Variants in PNLIP observed in about 807,000 individuals in gnomAD.
The protein encoded by PNLIP is pancreatic triacylglycerol lipase.
PNLIP carries 49 observed loss-of-function variants against 57.1 expected under a neutral mutation model. The observed-to-expected ratio is 0.86, with a 90% confidence interval of 0.68 to 1.09. The LOEUF (loss-of-function observed/expected upper bound fraction) is 1.09. PNLIP is among the 50% of genes least tolerant of loss of function. The pLI is 0.00. For missense variants in PNLIP, 503 were observed against 570.2 expected (o/e 0.88, Z 1.20); for synonymous variants, 209 against 200.4 (o/e 1.04, Z -0.36).
chr10:116,567,547 A>G (rs1478212049), intron 12 of PNLIP, among the ~76,000 whole-genome samples, 188 bp from the exon 13 acceptor site: 1 of 152,168 alleles, frequency 6.6e-6, no homozygotes, highest in Non-Finnish European at 1.5e-5. Context: ...ACAACCAGAA[A>G]ATAACACTGG....
chr10:116,558,975 T>TA (rs1847285526), intron 9 of PNLIP, among the ~76,000 whole-genome samples, 179 bp from the exon 10 acceptor site: 1 of 152,216 alleles, frequency 6.6e-6, no homozygotes, highest in Admixed American at 6.5e-5. Flanking sequence ...GTTGGTGACT[T>TA]ACTGTTGTGA....
At chr10:116,561,771 C>T in intron 12 of PNLIP, 135 bp downstream of exon 12, 1 of 665,656 alleles carries the variant, frequency 1.5e-6, no homozygotes, top group Non-Finnish European at 2.5e-6. Flanking sequence ...TTCCTAATGC[C>T]TTCTGTTTCT....
At chr10:116,566,826 G>C (rs2133211211) in intron 12 of PNLIP, among the ~76,000 whole-genome samples, 1 of 152,220 alleles carries the variant, frequency 6.6e-6, no homozygotes, top group Admixed American at 6.5e-5. Flanking sequence ...GAGGCTGCCA[G>C]TCATTGAGGA....
Position 116,549,164 on chromosome 10 carries a change from C to T in PNLIP, c.324+682C>T, listed in dbSNP as rs1847161533. ...CTGCTGTCGCACAAAGGGAGTAGTCCTTTCTTCAGAGGTGTCAAGAAGAAA... is the reference window on the plus strand; with the variant it reads ...CTGCTGTCGCACAAAGGGAGTAGTCTTTTCTTCAGAGGTGTCAAGAAGAAA... On this transcript the variant is annotated intron_variant, in intron 4 of 12. Coordinates refer to ENST00000369221, the MANE Select transcript of PNLIP (RefSeq NM_000936.4). Among the ~76,000 whole-genome samples, 3 of 152,120 alleles carry T rather than the reference C, an allele frequency of 2.0e-5. No individual in the cohort carries two copies. In the South Asian group the frequency reaches 6.2e-4, roughly 32 times the overall value.
rs749897137 is a variant in PNLIP, at chr10:116,560,538, T to C, written c.1169+14T>C. On this transcript the variant is annotated intron_variant, in intron 11 of 12. Transcript: ENST00000369221. ...TGAAATTTTCAAGTGAGTAAAATAA[T>C]ATTGCTCTATGCTTTTTTTTTTTTT... The C allele has an allele frequency of 1.8e-6, 2 of 1,113,596 alleles. No individual in the cohort carries two copies. Among genetic ancestry groups the C allele is most frequent in the Admixed American group, 2.1e-5 (1 of 47,660 alleles). 69.0% of individuals were successfully genotyped at this position (1,113,596 alleles called of 1,614,324 possible). A position where few individuals can be genotyped will look rare whatever the true frequency, so the allele number is the denominator to read the frequency against.
intron 9 of PNLIP, among the ~76,000 whole-genome samples, chr10:116,556,323 T>C (rs2915775): frequency 0.78 from 117,985 of 152,158 alleles, 46,338 homozygotes; most frequent in Non-Finnish European, 0.84. Context: ...TTACTTTCAT[T>C]TGTGTTACTT....
At chr10:116,550,103 G>A (rs578146153) in intron 4 of PNLIP, among the ~76,000 whole-genome samples, 1 of 117,996 alleles carries the variant, frequency 8.5e-6, no homozygotes, top group African/African-American at 3.3e-5. Flanking sequence ...CTGTCCCCCC[G>A]GCTAGAGTGC....
intron 12 of PNLIP, among the ~76,000 whole-genome samples, chr10:116,566,741 A>G (rs1037331751): frequency 4.6e-5 from 7 of 152,202 alleles, no homozygotes; most frequent in Middle Eastern, 3.2e-3. Flanking sequence ...ACCTTTAATC[A>G]TGTATAAATA....
chr10:116,549,415 G>T (rs1400994474), intron 4 of PNLIP, among the ~76,000 whole-genome samples: 1 of 152,008 alleles, frequency 6.6e-6, no homozygotes, highest in Non-Finnish European at 1.5e-5. Flanking sequence ...GGAGGCAGAG[G>T]TTGCAGTGAG....
Position 116,561,509 on chromosome 10 carries a change from T to A in PNLIP, c.1207T>A (p.Phe403Ile). 1 of 1,614,006 alleles carries A rather than the reference T, an allele frequency of 6.2e-7. No homozygotes were observed. The highest frequency in any genetic ancestry group is 1.1e-5 in the South Asian group (1 of 91,036). The change falls in exon 12 of 13, where the codon TTT becomes ATT. Residue 403 changes from phenylalanine to isoleucine, a missense_variant. Physicochemically the swap from Phe to Ile is conservative, Grantham distance 21. Transcript: ENST00000369221. ...LKPDSTHSNEFDSDVDVGDLQ... is the reference protein window; with the variant it reads ...LKPDSTHSNEIDSDVDVGDLQ... ...ACCAGATAGTACTCATTCCAATGAA[T>A]TTGACTCAGATGTGGATGTTGGGGA...
intron 2 of PNLIP, 93 bp from the exon 3 acceptor site, chr10:116,547,200 GT>G: frequency 8.2e-7 from 1 of 1,217,114 alleles, no homozygotes; most frequent in Non-Finnish European, 1.2e-6. Context: ...GAGGAGGAAA[GT>G]CTACCACACA....
intron 11 of PNLIP, 56 bp downstream of exon 11, chr10:116,560,580 T>A: frequency 1.3e-6 from 1 of 777,402 alleles, no homozygotes. Context: ...TGAGTCGGAG[T>A]CTCGCTGTGT....
Position 116,546,109 on chromosome 10 carries a change from C to T in PNLIP, c.17C>T (p.Thr6Ile). Residue 6 changes from threonine to isoleucine, a missense_variant, in exon 2 of 13, where the codon ACT (threonine) becomes ATT (isoleucine). Transcript: ENST00000369221. MLPLW[T>I]LSLLLGAVAG... The stretch of plus-strand genomic sequence containing the variant: ...TTCGTGTAGATGCTGCCACTTTGGA[C>T]TCTTTCACTGCTGCTGGGAGCAGTA... 1.9e-6 allele frequency: 3 copies of T among 1,613,808 alleles called. No homozygotes were observed. The highest frequency in any genetic ancestry group is 2.5e-6 in the Non-Finnish European group (3 of 1,179,788).
At chr10:116,549,531 G>A (rs1334352256) in intron 4 of PNLIP, among the ~76,000 whole-genome samples, 1 of 151,712 alleles carries the variant, frequency 6.6e-6, no homozygotes. Flanking sequence ...TACAGTTTCA[G>A]GTCTGCCTCT....
At chr10:116,563,158 G>T (rs1847331597) in intron 12 of PNLIP, among the ~76,000 whole-genome samples, 1 of 152,070 alleles carries the variant, frequency 6.6e-6, no homozygotes, top group Admixed American at 6.5e-5. Flanking sequence ...GTCAGTAAAG[G>T]CATGGCATAT....
Position 116,556,063 on chromosome 10 carries a change from T to G in PNLIP, c.875T>G (p.Val292Gly). 6.2e-7 allele frequency: 1 copy of G among 1,614,054 alleles called. No homozygotes were observed. The highest frequency in any genetic ancestry group is 1.1e-5 in the South Asian group (1 of 91,080). The part of the protein sequence containing the change: ...RSYKYYTDSI[V>G]NPDGFAGFPC... ...TACAAATATTACACTGATAGCATCG[T>G]CAACCCTGATGGCTTTGCTGGATTC... The change falls in exon 9 of 13, where the codon GTC (valine) becomes GGC (glycine). Residue 292 changes from valine to glycine, a missense_variant. Transcript: ENST00000369221.
rs186423628 is a variant in PNLIP at position 116,551,382 on chromosome 10, A to T, written c.459+150A>T. On this transcript the variant is annotated intron_variant, in intron 5 of 12. Coordinates refer to ENST00000369221, the MANE Select transcript of PNLIP (RefSeq NM_000936.4). Reference sequence around the variant, plus strand: ...TTTCTCTTGGCTACAAAGAAAAATTAAAAAAAATCTAGCTTTGGGTTTCAT... The same window carrying T: ...TTTCTCTTGGCTACAAAGAAAAATTTAAAAAAATCTAGCTTTGGGTTTCAT... 3.1e-3 allele frequency: 1,628 copies of T among 518,718 alleles called. 11 individuals carry two copies. The highest frequency in any genetic ancestry group is 0.016 in the African/African-American group (807 of 50,746). 32.1% of individuals were successfully genotyped at this position (518,718 alleles called of 1,614,324 possible).
At chr10:116,565,302 C>T (rs1847354439) in intron 12 of PNLIP, among the ~76,000 whole-genome samples, 1 of 129,652 alleles carries the variant, frequency 7.7e-6, no homozygotes, top group Admixed American at 7.7e-5. Context: ...ATATAGGAGA[C>T]AAATGGAAAA....
At chr10:116,548,573 C>G in intron 4 of PNLIP, 91 bp downstream of exon 4, 4 of 1,317,914 alleles carry the variant, frequency 3.0e-6, no homozygotes, top group Admixed American at 2.1e-5. Context: ...GAGGACAGTG[C>G]TTGGAGGTCT....
Sources: allele counts gnomAD v4.1 joint callset (sites outside exome capture counted in the v4.1 genomes callset), GRCh38; gene constraint gnomAD v4.1.1; transcripts MANE v1.5; gene names NCBI Gene and HGNC (gene_info 2026-07-23, HGNC 2026-07-21).